SNTG1: variants seen among roughly 807,000 people sequenced by gnomAD.
SNTG1 encodes the protein syntrophin gamma 1.
Under a neutral mutation model 74.7 loss-of-function variants are expected in SNTG1, and 39 were observed. That is an observed-to-expected ratio of 0.52 (90% CI 0.40 to 0.68). SNTG1 has a LOEUF of 0.68. SNTG1 is among the 30% of genes least tolerant of loss of function. SNTG1 has a pLI of 0.00. For missense variants in SNTG1, 685 were observed against 609.5 expected, an observed-to-expected ratio of 1.12 and a Z score of -1.30; for synonymous variants, 254 against 217.1, an observed-to-expected ratio of 1.17 and a Z score of -1.49.
At chr8:50,230,811 G>A (rs866171047) in intron 2 of SNTG1, among the ~76,000 whole-genome samples, 1 of 146,344 alleles carries the variant, frequency 6.8e-6, no homozygotes, top group Non-Finnish European at 1.5e-5. Flanking sequence ...GAAAATAGGG[G>A]GAAAACTATC....
intron 2 of SNTG1, among the ~76,000 whole-genome samples, chr8:50,240,229 T>C (rs2086106335): frequency 6.6e-6 from 1 of 152,216 alleles, no homozygotes; most frequent in Non-Finnish European, 1.5e-5. Flanking sequence ...GCTCCTGAAA[T>C]GCAGGCAAGG....
intron 12 of SNTG1, among the ~76,000 whole-genome samples, chr8:50,583,798 G>A (rs2094628205): frequency 6.8e-6 from 1 of 147,660 alleles, no homozygotes; most frequent in Non-Finnish European, 1.5e-5. Flanking sequence ...TATGCTTTAA[G>A]TTCTAGGGTA....
At chr8:50,329,599 C>T (rs980062100) in intron 2 of SNTG1, among the ~76,000 whole-genome samples, 8 of 152,064 alleles carry the variant, frequency 5.3e-5, no homozygotes, top group Non-Finnish European at 1.0e-4. Flanking sequence ...AAATGCAGGG[C>T]ACGAGATCCC....
At chr8:50,631,232 T>C (rs1276659488) in intron 13 of SNTG1, among the ~76,000 whole-genome samples, 1 of 152,228 alleles carries the variant, frequency 6.6e-6, no homozygotes, top group African/African-American at 2.4e-5. Flanking sequence ...ACATTTCCTG[T>C]CTCAGGAAGC....
intron 1 of SNTG1, among the ~76,000 whole-genome samples, chr8:50,039,699 T>C (rs1228190652): frequency 6.6e-6 from 1 of 152,196 alleles, no homozygotes; most frequent in Non-Finnish European, 1.5e-5. Context: ...CTTGCCATTA[T>C]TAGATTCCTC....
intron 9 of SNTG1, among the ~76,000 whole-genome samples, chr8:50,514,639 G>A (rs180748254): frequency 7.2e-5 from 11 of 152,202 alleles, no homozygotes; most frequent in Admixed American, 2.0e-4. Context: ...TTTGTTTTGT[G>A]ACCACATATG....
intron 13 of SNTG1, among the ~76,000 whole-genome samples, chr8:50,603,933 ACT>A (rs2094793500): frequency 6.6e-6 from 1 of 152,206 alleles, no homozygotes; most frequent in Admixed American, 6.5e-5. Context: ...CCAGCAGAGC[ACT>A]GAGTCTAGCT....
At chr8:49,999,518 C>T (rs1814552290) in intron 1 of SNTG1, among the ~76,000 whole-genome samples, 1 of 152,174 alleles carries the variant, frequency 6.6e-6, no homozygotes, top group Non-Finnish European at 1.5e-5. Flanking sequence ...ACTTACATCT[C>T]ACTCTCCATG....
intron 2 of SNTG1, among the ~76,000 whole-genome samples, chr8:50,285,754 C>A (rs1198168900): frequency 6.6e-6 from 1 of 151,208 alleles, no homozygotes; most frequent in African/African-American, 2.4e-5. Context: ...TTTACAAAAA[C>A]CATAAGGGCG....
chr8:50,205,433 T>C (rs1035790406), intron 2 of SNTG1, among the ~76,000 whole-genome samples: 1 of 152,236 alleles, frequency 6.6e-6, no homozygotes, highest in Non-Finnish European at 1.5e-5. Context: ...ATTTTTTTCT[T>C]GTAAATCTGT....
chr8:50,103,569 T>A (rs2131252830), intron 1 of SNTG1, among the ~76,000 whole-genome samples: 1 of 152,302 alleles, frequency 6.6e-6, no homozygotes, highest in African/African-American at 2.4e-5. Context: ...TCCTGCCTAA[T>A]TGCCCTGGCC....
intron 8 of SNTG1, among the ~76,000 whole-genome samples, chr8:50,471,203 GT>G (rs2093651308): frequency 6.6e-6 from 1 of 151,286 alleles, no homozygotes; most frequent in South Asian, 2.1e-4. Flanking sequence ...GGTGTCAGCC[GT>G]GGTAGAAACA....
At chr8:49,980,521 CAAAAAAAAAAAAAA>C (rs565561398) in intron 1 of SNTG1, among the ~76,000 whole-genome samples, 732 of 53,876 alleles carry the variant, frequency 0.014, 14 homozygotes, top group African/African-American at 0.05. Context: ...GACTCCTTCG[CAAAAAAAAAAAAAA>C]AAAAAAAAAA....
rs1217321063 is a variant in SNTG1 at position 50,796,418 on chromosome 8, C to T, written c.*3589C>T. On this transcript the variant is annotated 3_prime_UTR_variant, in exon 19 of 19. Coordinates refer to ENST00000642720, the MANE Select transcript of SNTG1 (RefSeq NM_018967.5). ...CGAATACTTTAAAATCATAATGCCA[C>T]TTATTTGCACATTTGAATTTGCTTT... The T allele has an allele frequency of 1.3e-5, 2 of 151,278 alleles. No homozygotes were observed. Among genetic ancestry groups the T allele is most frequent in the Non-Finnish European group, 2.9e-5 (2 of 67,878 alleles). The allele number at this position is 151,278 out of a possible 1,614,324, so 9.4% of individuals were successfully genotyped here.
intron 2 of SNTG1, among the ~76,000 whole-genome samples, chr8:50,318,631 C>A (rs34405153): frequency 0.47 from 72,026 of 152,048 alleles, 19,473 homozygotes; most frequent in East Asian, 0.83. Flanking sequence ...TCCAATACCA[C>A]TGGGAAAATT....
intron 1 of SNTG1, among the ~76,000 whole-genome samples, chr8:49,963,098 A>G (rs1188060999): frequency 6.6e-6 from 1 of 152,248 alleles, no homozygotes; most frequent in African/African-American, 2.4e-5. Flanking sequence ...AAAGCTAAAC[A>G]GATTAGTTAA....
intron 8 of SNTG1, among the ~76,000 whole-genome samples, chr8:50,479,854 C>T (rs1055668830): frequency 3.9e-5 from 6 of 152,130 alleles, no homozygotes; most frequent in Admixed American, 6.6e-5. Context: ...TGACTAGATC[C>T]TGACAATTAC....
At chr8:50,068,213 C>T (rs1340619944) in intron 1 of SNTG1, among the ~76,000 whole-genome samples, 1 of 152,150 alleles carries the variant, frequency 6.6e-6, no homozygotes, top group Non-Finnish European at 1.5e-5. Context: ...TAATTACAAC[C>T]TCTGTGGGAT....
chr8:49,960,842 G>A (rs988258264), intron 1 of SNTG1, among the ~76,000 whole-genome samples: 24 of 152,054 alleles, frequency 1.6e-4, no homozygotes, highest in Non-Finnish European at 1.5e-4. Flanking sequence ...TCCTCTCTTT[G>A]GGATGCAATG....
Sources: allele counts gnomAD v4.1 joint callset (sites outside exome capture counted in the v4.1 genomes callset), GRCh38; gene constraint gnomAD v4.1.1; transcripts MANE v1.5; gene names NCBI Gene and HGNC (gene_info 2026-07-23, HGNC 2026-07-21).